Variants in TFCP2 observed in about 807,000 individuals in gnomAD.
TFCP2 encodes alpha-globin transcription factor CP2.
TFCP2 carries 33 observed loss-of-function variants against 73.4 expected under a neutral mutation model. That is an observed-to-expected ratio of 0.45 (90% CI 0.34 to 0.60). TFCP2 has a LOEUF of 0.60. Among genes scored for constraint, TFCP2 ranks in the 20% least tolerant of loss-of-function variants. TFCP2 has a pLI of 0.01. For synonymous variants in TFCP2, 193 were observed against 211.6 expected, an observed-to-expected ratio of 0.91 and a Z score of 0.76; for missense variants, 352 against 604.0, an observed-to-expected ratio of 0.58 and a Z score of 4.37.
chr12:51,157,374 G>A (rs1419143718), intron 1 of TFCP2, among the ~76,000 whole-genome samples: 1 of 151,992 alleles, frequency 6.6e-6, no homozygotes, highest in Non-Finnish European at 1.5e-5. Context: ...AGAATGCCGT[G>A]GAACAATCAT....
In TFCP2 at chr12:51,150,914, T is replaced by C. The variant is rs182913015; in HGVS notation, c.122+21387A>G. 2.6e-5 allele frequency among the ~76,000 whole-genome samples: 4 copies of C among 151,996 alleles called. No homozygotes were observed. The East Asian group carries it at 5.8e-4, about 22-fold the overall frequency. The stretch of plus-strand genomic sequence containing the variant: ...AGAAAATCCCTTCTTTTATGAAGCA[T>C]GAAGTTGGGGAGAGAAGCCAACAAA... On this transcript the variant is annotated intron_variant, in intron 1 of 14. Coordinates refer to ENST00000257915, the MANE Select transcript of TFCP2 (RefSeq NM_005653.5).
At chr12:51,126,716 C>T (rs1418600280) in intron 1 of TFCP2, among the ~76,000 whole-genome samples, 3 of 152,098 alleles carry the variant, frequency 2.0e-5, no homozygotes, top group East Asian at 3.9e-4. Context: ...CCTCATTTAG[C>T]CTCCACTAAA....
chr12:51,105,736 T>TA (rs1429389644), intron 8 of TFCP2, among the ~76,000 whole-genome samples: 1 of 152,254 alleles, frequency 6.6e-6, no homozygotes, highest in African/African-American at 2.4e-5. Context: ...TCTTAATTGT[T>TA]ACGTTTTAAA....
At chr12:51,132,355 GTCTTT>G (rs1223912470) in intron 1 of TFCP2, among the ~76,000 whole-genome samples, 1 of 21,466 alleles carries the variant, frequency 4.7e-5, no homozygotes, top group Non-Finnish European at 1.2e-4. Context: ...TTAGGGATTA[GTCTTT>G]TTTTTTTTTT....
intron 1 of TFCP2, among the ~76,000 whole-genome samples, chr12:51,152,045 C>G (rs570162641): frequency 6.6e-6 from 1 of 152,254 alleles, no homozygotes; most frequent in South Asian, 2.1e-4. Context: ...AGTTTGAGAA[C>G]AGGATATTTA....
chr12:51,146,125 G>A (rs1382362235), intron 1 of TFCP2, among the ~76,000 whole-genome samples: 2 of 151,078 alleles, frequency 1.3e-5, no homozygotes, highest in East Asian at 4.0e-4. Context: ...TAACACTTTT[G>A]TAGATTACTC....
In TFCP2 at chr12:51,107,246, A is replaced by G; in HGVS notation, c.818T>C (p.Ile273Thr). 6.3e-7 allele frequency: 1 copy of G among 1,599,126 alleles called. No homozygotes were observed. Residue 273 changes from isoleucine to threonine, a missense_variant, in exon 7 of 15, where the codon ATA (isoleucine) becomes ACA (threonine). Ile to Thr is a moderately conservative substitution (Grantham distance 89). Coordinates refer to ENST00000257915, the MANE Select transcript of TFCP2 (RefSeq NM_005653.5). ...AAGAAATCTTTTTACCTCTGTGAGTATGGTTGTCTCATAGGAAGGCTGATA... is the reference window on the plus strand; with the variant it reads ...AAGAAATCTTTTTACCTCTGTGAGTGTGGTTGTCTCATAGGAAGGCTGATA... ...EKYQPSYETT[I>T]LTECSPWPEI...
chr12:51,108,569 T>C (rs1364989295), intron 6 of TFCP2, among the ~76,000 whole-genome samples: 1 of 151,206 alleles, frequency 6.6e-6, no homozygotes, highest in Non-Finnish European at 1.5e-5. Flanking sequence ...AGCCCGGGAG[T>C]TCAAGGCCAG....
intron 1 of TFCP2, among the ~76,000 whole-genome samples, chr12:51,144,088 G>A (rs1941242023): frequency 6.6e-6 from 1 of 152,056 alleles, no homozygotes; most frequent in African/African-American, 2.4e-5. Flanking sequence ...CAAGTGCAGT[G>A]GCATAATCAT....
chr12:51,118,921 T>A, intron 1 of TFCP2, 149 bp from the exon 2 acceptor site: 1 of 857,244 alleles, frequency 1.2e-6, no homozygotes, highest in Non-Finnish European at 1.8e-6. Context: ...TTAGATTACC[T>A]GCTGTGATAT....
chr12:51,121,381 T>C (rs796639936), intron 1 of TFCP2, among the ~76,000 whole-genome samples: 8 of 148,688 alleles, frequency 5.4e-5, no homozygotes, highest in African/African-American at 2.0e-4. Context: ...ATCGTACCAC[T>C]GCACTGAAGC....
At chr12:51,142,287 A>G (rs940263311) in intron 1 of TFCP2, among the ~76,000 whole-genome samples, 1 of 151,154 alleles carries the variant, frequency 6.6e-6, no homozygotes, top group Non-Finnish European at 1.5e-5. Flanking sequence ...ATGAATAGTC[A>G]AGACAATGCT....
chr12:51,169,660 T>C (rs1941822352), intron 1 of TFCP2, among the ~76,000 whole-genome samples: 1 of 152,018 alleles, frequency 6.6e-6, no homozygotes, highest in South Asian at 2.1e-4. Flanking sequence ...GAGATGGAAG[T>C]TCTACTGAGC....
chr12:51,129,656 T>C (rs990184632), intron 1 of TFCP2, among the ~76,000 whole-genome samples: 10 of 151,894 alleles, frequency 6.6e-5, no homozygotes, highest in African/African-American at 2.4e-4. Flanking sequence ...TGTAAAGAGA[T>C]TTCAATAGCT....
At chr12:51,096,155 TCACA>T (rs1393168984) in intron 13 of TFCP2, 115 bp from the exon 14 acceptor site, 10 of 729,098 alleles carry the variant, frequency 1.4e-5, no homozygotes, top group Non-Finnish European at 2.2e-5. Flanking sequence ...GCTTTACAGG[TCACA>T]AATAATGTAT....
At chr12:51,113,799 G>C (rs917064648) in intron 4 of TFCP2, among the ~76,000 whole-genome samples, 4 of 152,148 alleles carry the variant, frequency 2.6e-5, no homozygotes, top group Admixed American at 2.6e-4. Flanking sequence ...CATTCAGTGG[G>C]GGAAAGAACA....
intron 1 of TFCP2, among the ~76,000 whole-genome samples, chr12:51,143,217 ATACC>A (rs1941226491): frequency 6.6e-6 from 1 of 151,814 alleles, no homozygotes; most frequent in South Asian, 2.1e-4. Flanking sequence ...TGCATATTTA[ATACC>A]TACCTAACAC....
At chr12:51,124,623 G>A in intron 1 of TFCP2, 1 of 543,944 alleles carries the variant, frequency 1.8e-6, no homozygotes, top group South Asian at 1.5e-5. Flanking sequence ...CCGCCGGCAG[G>A]TAGGTCATGT....
chr12:51,164,227 A>C (rs1175550502), intron 1 of TFCP2, among the ~76,000 whole-genome samples: 1 of 152,076 alleles, frequency 6.6e-6, no homozygotes, highest in Non-Finnish European at 1.5e-5. Context: ...AAACAACAAC[A>C]ACCACAAAAA....
Sources: gnomAD v4.1 joint callset for allele counts (sites outside exome capture counted in the v4.1 genomes callset) on GRCh38, gnomAD v4.1.1 for gene constraint, MANE v1.5 for transcripts, NCBI Gene and HGNC (gene_info 2026-07-23, HGNC 2026-07-21) for gene names.